Variants in CHST9 observed in about 807,000 individuals in gnomAD.
CHST9 encodes the protein GalNAc-4-sulfotransferase 2.
CHST9 carries 41 observed loss-of-function variants against 44.4 expected under a neutral mutation model. The ratio of observed to expected loss-of-function variants is 0.92; its 90% CI spans 0.72 to 1.20. The LOEUF is 1.20. Among genes scored for constraint, CHST9 ranks in the 50% most tolerant of loss-of-function variants. The probability of loss-of-function intolerance (pLI) is 0.00; values close to 1 mark genes in which losing one functional copy is unlikely to be tolerated. For missense variants in CHST9, 504 were observed against 516.5 expected (o/e 0.98, Z 0.23); for synonymous variants, 171 against 178.4 (o/e 0.96, Z 0.33).
intron 4 of CHST9, among the ~76,000 whole-genome samples, chr18:27,019,003 A>G (rs1827724845): frequency 6.6e-6 from 1 of 152,186 alleles, no homozygotes; most frequent in Admixed American, 6.5e-5. Flanking sequence ...GGAGCTAGCA[A>G]TGTGTGCCCC....
chr18:26,970,376 G>A (rs1270032273), intron 4 of CHST9, among the ~76,000 whole-genome samples: 1 of 152,114 alleles, frequency 6.6e-6, no homozygotes, highest in African/African-American at 2.4e-5. Flanking sequence ...TCTAAATGCT[G>A]TATGTATTGA....
chr18:26,959,839 A>G (rs2056376667), intron 4 of CHST9, among the ~76,000 whole-genome samples: 1 of 152,136 alleles, frequency 6.6e-6, no homozygotes, highest in Admixed American at 6.5e-5. Context: ...TCCAAATGGT[A>G]CCCTAGGAAG....
chr18:27,123,263 C>T (rs897610176), intron 2 of CHST9, among the ~76,000 whole-genome samples: 6 of 152,148 alleles, frequency 3.9e-5, no homozygotes, highest in Non-Finnish European at 7.4e-5. Flanking sequence ...CTCCATTGAT[C>T]ACCTGACCTC....
intron 5 of CHST9, among the ~76,000 whole-genome samples, chr18:26,932,701 G>A (rs1447411842): frequency 6.6e-6 from 1 of 152,092 alleles, no homozygotes; most frequent in Admixed American, 6.5e-5. Context: ...TTTATTTCCT[G>A]CCACCAGTAA....
chr18:26,917,407 GGATAAGGAAC>G, intron 5 of CHST9, 57 bp from the exon 6 acceptor site: 1 of 1,529,128 alleles, frequency 6.5e-7, no homozygotes, highest in Non-Finnish European at 8.8e-7. Context: ...TGGGTATACT[GGATAAGGAAC>G]TTCACATATT....
chr18:26,962,370 A>G (rs1377801290), intron 4 of CHST9, among the ~76,000 whole-genome samples: 1 of 150,588 alleles, frequency 6.6e-6, no homozygotes, highest in Non-Finnish European at 1.5e-5. Context: ...AGCACACTGC[A>G]ACCTCTGCCT....
intron 2 of CHST9, among the ~76,000 whole-genome samples, chr18:27,135,659 C>T (rs1336286679): frequency 1.3e-5 from 2 of 152,156 alleles, no homozygotes; most frequent in African/African-American, 2.4e-5. Flanking sequence ...GTATCGGGGC[C>T]GCACTCCCAG....
intron 4 of CHST9, among the ~76,000 whole-genome samples, chr18:26,988,635 A>G (rs186365067): frequency 1.3e-5 from 2 of 152,306 alleles, no homozygotes. Context: ...TAAAGAATAG[A>G]ATAGACAGAT....
chr18:27,014,290 GAGGTATGAAAAAATATCTAATACAATGA>G (rs1178239901), intron 4 of CHST9, among the ~76,000 whole-genome samples: 1 of 151,422 alleles, frequency 6.6e-6, no homozygotes, highest in Non-Finnish European at 1.5e-5. Flanking sequence ...TTAGCCTCAG[GAGGTATGAAAAAATATCTAATACAATGA>G]ATGGAAAACC....
intron 5 of CHST9, among the ~76,000 whole-genome samples, 175 bp downstream of exon 5, chr18:26,944,154 G>A (rs893100978): frequency 6.6e-6 from 1 of 152,172 alleles, no homozygotes; most frequent in Admixed American, 6.5e-5. Flanking sequence ...AGGAGACAAA[G>A]AAAGCGCATG....
chr18:26,990,811 A>C (rs2145207740), intron 4 of CHST9, among the ~76,000 whole-genome samples: 1 of 152,336 alleles, frequency 6.6e-6, no homozygotes. Context: ...AGTCCATTGC[A>C]ATCCCATGTT....
intron 2 of CHST9, among the ~76,000 whole-genome samples, chr18:27,085,291 G>A (rs2143694551): frequency 6.6e-6 from 1 of 152,152 alleles, no homozygotes; most frequent in African/African-American, 2.4e-5. Flanking sequence ...AAACTAAAGA[G>A]CTTCTGCACA....
chr18:27,042,851 T>A (rs1046427713), intron 3 of CHST9, among the ~76,000 whole-genome samples: 3 of 151,652 alleles, frequency 2.0e-5, no homozygotes, highest in Non-Finnish European at 4.4e-5. Context: ...CTTTCACATA[T>A]TCCTTGAAAG....
At chr18:26,999,313 A>G (rs2056922291) in intron 4 of CHST9, among the ~76,000 whole-genome samples, 1 of 152,224 alleles carries the variant, frequency 6.6e-6, no homozygotes, top group African/African-American at 2.4e-5. Flanking sequence ...AAAAATAAAA[A>G]TACTATTTGC....
intron 2 of CHST9, among the ~76,000 whole-genome samples, chr18:27,108,200 G>A (rs950416484): frequency 6.6e-6 from 1 of 152,144 alleles, no homozygotes; most frequent in Non-Finnish European, 1.5e-5. Flanking sequence ...TCACCTGCCT[G>A]TGTAGCTCTC....
In CHST9 at chr18:26,940,223, G is replaced by GA. The variant is rs33920690; in HGVS notation, c.240+4105dup. On this transcript the variant is annotated intron_variant, in intron 5 of 5. Transcript: ENST00000618847. Reference sequence around the variant, plus strand: ...ATGAAACTTTAAAACATGAGACTCAGAAAAAAAAACCTGTCTTTGCATGAC... The same window carrying GA: ...ATGAAACTTTAAAACATGAGACTCAGAAAAAAAAAACCTGTCTTTGCATGAC... 5.9e-3 allele frequency among the ~76,000 whole-genome samples: 894 copies of GA among 150,968 alleles called. 3 individuals carry two copies. The highest frequency in any genetic ancestry group is 0.011 in the African/African-American group (470 of 41,114).
chr18:26,958,152 C>T (rs1161539383), intron 4 of CHST9, among the ~76,000 whole-genome samples: 4 of 151,910 alleles, frequency 2.6e-5, no homozygotes, highest in African/African-American at 9.7e-5. Context: ...TCCCAAAGTG[C>T]TGGGATTACA....
intron 2 of CHST9, among the ~76,000 whole-genome samples, chr18:27,118,665 G>A (rs1437624294): frequency 6.6e-6 from 1 of 152,172 alleles, no homozygotes; most frequent in Non-Finnish European, 1.5e-5. Context: ...TCTGGAGAAG[G>A]CATCCCATGG....
chr18:27,079,576 A>C (rs1208513215), intron 2 of CHST9, among the ~76,000 whole-genome samples: 2 of 152,234 alleles, frequency 1.3e-5, no homozygotes, highest in African/African-American at 2.4e-5. Context: ...TAGACGAAAA[A>C]GTTTAAAAAT....
Sources: gnomAD v4.1 joint callset for allele counts (sites outside exome capture counted in the v4.1 genomes callset) on GRCh38, gnomAD v4.1.1 for gene constraint, MANE v1.5 for transcripts, NCBI Gene and HGNC (gene_info 2026-07-23, HGNC 2026-07-21) for gene names.